TAFA2: variants seen among roughly 807,000 people sequenced by gnomAD.
TAFA2 encodes TAFA chemokine like family member 2.
A neutral mutation model predicts 18.8 loss-of-function variants in TAFA2; 7 were observed. That is an observed-to-expected ratio of 0.37 (90% CI 0.21 to 0.70). The LOEUF (loss-of-function observed/expected upper bound fraction) is 0.70. Among genes scored for constraint, TAFA2 ranks in the 30% least tolerant of loss-of-function variants. TAFA2 has a pLI of 0.53. For synonymous variants in TAFA2, 60 were observed against 54.2 expected, an observed-to-expected ratio of 1.11 and a Z score of -0.47; for missense variants, 122 against 158.1, an observed-to-expected ratio of 0.77 and a Z score of 1.23.
intron 1 of TAFA2, among the ~76,000 whole-genome samples, chr12:62,241,051 G>A (rs1360200154): frequency 6.6e-6 from 1 of 152,104 alleles, no homozygotes; most frequent in Non-Finnish European, 1.5e-5. Context: ...TGTTTTAAAG[G>A]CTTATTCTGT....
intron 2 of TAFA2, chr12:61,776,286 T>A (rs548851897): frequency 5.2e-6 from 1 of 192,780 alleles, no homozygotes; most frequent in East Asian, 1.6e-4. Flanking sequence ...CAAAGAGAAA[T>A]AAAGGTACCT....
intron 1 of TAFA2, among the ~76,000 whole-genome samples, chr12:61,962,388 C>A (rs537040879): frequency 6.6e-6 from 1 of 152,012 alleles, no homozygotes; most frequent in East Asian, 1.9e-4. Context: ...ACTAAATAAC[C>A]AACCTTATAA....
At chr12:62,055,943 T>C (rs1882176981) in intron 1 of TAFA2, among the ~76,000 whole-genome samples, 1 of 152,220 alleles carries the variant, frequency 6.6e-6, no homozygotes, top group Non-Finnish European at 1.5e-5. Flanking sequence ...AGAGCTATCA[T>C]ACATAAATGT....
intron 4 of TAFA2, among the ~76,000 whole-genome samples, chr12:61,711,126 A>G (rs999107509): frequency 6.6e-6 from 1 of 152,040 alleles, no homozygotes; most frequent in Non-Finnish European, 1.5e-5. Context: ...CACACCTACT[A>G]AAGTCCAAAG....
rs1306084235 is a variant in TAFA2 at position 62,191,258 on chromosome 12, C to G, written c.-2+1G>C. 1.3e-5 allele frequency: 2 copies of G among 152,202 alleles called. No homozygotes were observed. Among genetic ancestry groups the G allele is most frequent in the Non-Finnish European group, 2.9e-5 (2 of 68,048 alleles). The allele number at this position is 152,202 out of a possible 1,614,324, so 9.4% of individuals were successfully genotyped here. The stretch of plus-strand genomic sequence containing the variant: ...CGACCCGAGGCGCGGCTCGCACCTA[C>G]CTGCAGCCCCGCTTCCCGGTGGCGG... On this transcript the variant is annotated splice_donor_variant, in intron 1 of 4. Coordinates refer to ENST00000416284, the MANE Select transcript of TAFA2 (RefSeq NM_178539.5). LOFTEE classifies it low-confidence loss of function (5UTR_SPLICE).
chr12:62,019,224 G>T (rs1881038743), intron 1 of TAFA2, among the ~76,000 whole-genome samples: 1 of 152,070 alleles, frequency 6.6e-6, no homozygotes, highest in Non-Finnish European at 1.5e-5. Flanking sequence ...TACACTGTTG[G>T]TGGGACTGTA....
intron 4 of TAFA2, among the ~76,000 whole-genome samples, chr12:61,722,421 G>A (rs916432506): frequency 2.0e-5 from 3 of 152,094 alleles, no homozygotes; most frequent in Admixed American, 6.6e-5. Flanking sequence ...GGCCAGAGTC[G>A]AGTCTAGATG....
In TAFA2 at chr12:61,709,144, C is replaced by T. The variant is rs978034700; in HGVS notation, c.*1262G>A. The T allele has an allele frequency of 6.6e-6, 1 of 151,938 alleles. No individual in the cohort carries two copies. Among genetic ancestry groups the T allele is most frequent in the African/African-American group, 2.4e-5 (1 of 41,230 alleles). 9.4% of individuals were successfully genotyped at this position (151,938 alleles called of 1,614,324 possible). A position where few individuals can be genotyped will look rare whatever the true frequency, so the allele number is the denominator to read the frequency against. ...CAAATGAAACAAAATAAATGTAGTA[C>T]AAAATTATACATTCTATAACTTAGA... On this transcript the variant is annotated 3_prime_UTR_variant, in exon 5 of 5. Transcript: ENST00000416284.
At chr12:62,221,333 T>C (rs2062762091) in intron 1 of TAFA2, among the ~76,000 whole-genome samples, 1 of 152,106 alleles carries the variant, frequency 6.6e-6, no homozygotes, top group Non-Finnish European at 1.5e-5. Context: ...GTACAGATCA[T>C]TTTTGTATTC....
intron 1 of TAFA2, among the ~76,000 whole-genome samples, chr12:62,089,705 G>T (rs1403014577): frequency 1.3e-5 from 2 of 152,022 alleles, no homozygotes; most frequent in Non-Finnish European, 2.9e-5. Context: ...GGAAGCATCT[G>T]AATGATCTTT....
chr12:62,047,528 C>A (rs937977684), intron 1 of TAFA2, among the ~76,000 whole-genome samples: 6 of 152,052 alleles, frequency 3.9e-5, no homozygotes, highest in Admixed American at 2.0e-4. Context: ...GGTTAGATGC[C>A]AGGTTTATTT....
intron 1 of TAFA2, among the ~76,000 whole-genome samples, chr12:61,982,368 G>C (rs998621932): frequency 1.3e-5 from 2 of 152,004 alleles, no homozygotes; most frequent in African/African-American, 4.8e-5. Flanking sequence ...CAGCACACCA[G>C]CATGGCACAT....
At position 61,807,721 on chromosome 12, in the gene TAFA2, G is replaced by A. The variant is rs187683420; in HGVS notation, c.107-52697C>T. ...ATGGGAACCCACCTCTTGCATCGGC[G>A]TGACCTGGATATGAGACATGGAGTC... On this transcript the variant is annotated intron_variant, in intron 2 of 4. Transcript: ENST00000416284. Among the ~76,000 whole-genome samples, 47 of 151,560 alleles carry A rather than the reference G, an allele frequency of 3.1e-4. No homozygotes were observed. In the East Asian group the frequency reaches 3.5e-3, roughly 11 times the overall value.
chr12:61,780,472 T>C (rs940214440), intron 2 of TAFA2, among the ~76,000 whole-genome samples: 1 of 151,854 alleles, frequency 6.6e-6, no homozygotes, highest in Admixed American at 6.6e-5. Flanking sequence ...GCATTTACTT[T>C]AGAAAACTTG....
intron 1 of TAFA2, among the ~76,000 whole-genome samples, chr12:61,896,217 T>C (rs1262331350): frequency 6.6e-6 from 1 of 152,306 alleles, no homozygotes; most frequent in Non-Finnish European, 1.5e-5. Flanking sequence ...GCCTAAAACT[T>C]AGCCAAAGCT....
At chr12:61,777,986 G>C (rs1048197933) in intron 2 of TAFA2, among the ~76,000 whole-genome samples, 1 of 151,660 alleles carries the variant, frequency 6.6e-6, no homozygotes, top group Non-Finnish European at 1.5e-5. Flanking sequence ...TGAGGAAAAG[G>C]GATAACTGGG....
chr12:61,889,679 C>T (rs2121293177), intron 1 of TAFA2, among the ~76,000 whole-genome samples: 1 of 152,292 alleles, frequency 6.6e-6, no homozygotes, highest in Non-Finnish European at 1.5e-5. Flanking sequence ...TAGTTTACAG[C>T]TAAAAGCATC....
intron 2 of TAFA2, among the ~76,000 whole-genome samples, chr12:61,764,197 G>A (rs1869684386): frequency 6.7e-6 from 1 of 148,160 alleles, no homozygotes. Flanking sequence ...TACAATAAAG[G>A]AGAAATGGTC....
At chr12:61,987,970 A>G (rs1183424439) in intron 1 of TAFA2, among the ~76,000 whole-genome samples, 1 of 152,218 alleles carries the variant, frequency 6.6e-6, no homozygotes, top group Non-Finnish European at 1.5e-5. Context: ...ATAAATTATC[A>G]CCACAATGAA....
Sources: gnomAD v4.1 joint callset for allele counts (sites outside exome capture counted in the v4.1 genomes callset) on GRCh38, gnomAD v4.1.1 for gene constraint, MANE v1.5 for transcripts, NCBI Gene and HGNC (gene_info 2026-07-23, HGNC 2026-07-21) for gene names.